The following SLC25A48 variants were observed in gnomAD, a reference collection of about 807,000 sequenced individuals.
The protein encoded by SLC25A48 is solute carrier family 25 member 48, also known as CTC-321K16.1.
A neutral mutation model predicts 32.2 loss-of-function variants in SLC25A48; 29 were observed. The ratio of observed to expected loss-of-function variants is 0.90; its 90% CI spans 0.67 to 1.23. The LOEUF (loss-of-function observed/expected upper bound fraction) is 1.23. SLC25A48 is among the 50% of genes most tolerant of loss of function. The probability of loss-of-function intolerance (pLI) is 0.00; values close to 1 mark genes in which losing one functional copy is unlikely to be tolerated. For synonymous variants in SLC25A48, 164 were observed against 172.3 expected (o/e 0.95, Z 0.38); for missense variants, 399 against 422.7 (o/e 0.94, Z 0.49).
chr5:135,708,003 TG>T (rs1233423445), intron 3 of SLC25A48, among the ~76,000 whole-genome samples: 1 of 151,930 alleles, frequency 6.6e-6, no homozygotes, highest in African/African-American at 2.4e-5. Context: ...TGGAGCTGAG[TG>T]TGACAGAAGA....
intron 4 of SLC25A48, among the ~76,000 whole-genome samples, chr5:135,828,526 T>C (rs533003143): frequency 8.4e-4 from 128 of 152,342 alleles, no homozygotes; most frequent in African/African-American, 2.9e-3. Context: ...AGGAGGATCA[T>C]AGCCCTTCTG....
chr5:135,591,676 C>T (rs1479834428), intron 1 of SLC25A48, among the ~76,000 whole-genome samples: 1 of 152,192 alleles, frequency 6.6e-6, no homozygotes. Flanking sequence ...TGGGGCAGAT[C>T]CCAGCCAATG....
chr5:135,858,619 G>T (rs1399701025), intron 4 of SLC25A48, among the ~76,000 whole-genome samples: 1 of 152,218 alleles, frequency 6.6e-6, no homozygotes, highest in Non-Finnish European at 1.5e-5. Flanking sequence ...CCCTCCCTTA[G>T]TGGGAGGTGG....
At chr5:135,662,020 A>G (rs1309771453) in intron 3 of SLC25A48, among the ~76,000 whole-genome samples, 1 of 152,160 alleles carries the variant, frequency 6.6e-6, no homozygotes, top group African/African-American at 2.4e-5. Context: ...GCCCTATGAA[A>G]AGATCATACC....
At chr5:135,801,349 A>G (rs561917038) in intron 3 of SLC25A48, among the ~76,000 whole-genome samples, 1 of 151,362 alleles carries the variant, frequency 6.6e-6, no homozygotes, top group African/African-American at 2.4e-5. Flanking sequence ...TAGAAAAAAA[A>G]GGGGATGATA....
At chr5:135,738,108 G>A (rs1755418284) in intron 3 of SLC25A48, among the ~76,000 whole-genome samples, 1 of 152,166 alleles carries the variant, frequency 6.6e-6, no homozygotes, top group Non-Finnish European at 1.5e-5. Flanking sequence ...CTGTCTCCAT[G>A]CCCTTCCTTC....
chr5:135,704,776 A>ATTCAAATCCTGTACT (rs1270414792), intron 3 of SLC25A48, among the ~76,000 whole-genome samples: 1 of 152,196 alleles, frequency 6.6e-6, no homozygotes, highest in Non-Finnish European at 1.5e-5. Flanking sequence ...CAGAGCCAGG[A>ATTCAAATCCTGTACT]TTCAAATCCT....
intron 3 of SLC25A48, among the ~76,000 whole-genome samples, chr5:135,746,987 A>ATTT (rs199973261): frequency 0.018 from 1,355 of 77,196 alleles, 17 homozygotes; most frequent in African/African-American, 0.032. Context: ...CAGGTTAAGT[A>ATTT]TTTTTTGTTG....
At chr5:135,606,208 A>G (rs1360150321) in intron 1 of SLC25A48, among the ~76,000 whole-genome samples, 1 of 152,196 alleles carries the variant, frequency 6.6e-6, no homozygotes, top group East Asian at 1.9e-4. Flanking sequence ...TTTCTTCCAC[A>G]TAAAATGTCT....
At chr5:135,793,777 C>A (rs541954042) in intron 3 of SLC25A48, among the ~76,000 whole-genome samples, 14 of 151,698 alleles carry the variant, frequency 9.2e-5, no homozygotes, top group African/African-American at 2.9e-4. Context: ...TTTGTAATAT[C>A]CTTGGGAGAT....
chr5:135,759,691 C>A (rs1029923483), intron 3 of SLC25A48, among the ~76,000 whole-genome samples: 4 of 152,128 alleles, frequency 2.6e-5, no homozygotes, highest in African/African-American at 7.2e-5. Flanking sequence ...AAGATGCAGT[C>A]CTTTGAATCT....
At chr5:135,604,338 T>C (rs1032163205) in intron 1 of SLC25A48, among the ~76,000 whole-genome samples, 1 of 152,236 alleles carries the variant, frequency 6.6e-6, no homozygotes. Flanking sequence ...GGCATCTCTC[T>C]GTCTCCTTAA....
At chr5:135,594,756 C>G (rs1323787210) in intron 1 of SLC25A48, among the ~76,000 whole-genome samples, 1 of 152,170 alleles carries the variant, frequency 6.6e-6, no homozygotes, top group East Asian at 1.9e-4. Context: ...CTGGCCACAC[C>G]TCAGCTGCTC....
intron 1 of SLC25A48, among the ~76,000 whole-genome samples, chr5:135,839,727 C>G (rs1407551616): frequency 6.6e-6 from 1 of 152,118 alleles, no homozygotes; most frequent in Non-Finnish European, 1.5e-5. Flanking sequence ...CATAATATGT[C>G]ATGGGAGAGA....
At chr5:135,792,726 C>T (rs59274088) in intron 3 of SLC25A48, among the ~76,000 whole-genome samples, 7,259 of 151,562 alleles carry the variant, frequency 0.048, 351 homozygotes, top group African/African-American at 0.13. Context: ...AATATCCTTG[C>T]GAGATATTAC....
intron 3 of SLC25A48, among the ~76,000 whole-genome samples, chr5:135,706,642 A>G (rs968840675): frequency 1.3e-5 from 2 of 152,106 alleles, no homozygotes; most frequent in South Asian, 2.1e-4. Context: ...GAGAAAGGGC[A>G]CCTAGAGCTG....
chr5:135,719,392 G>A (rs1418805411), intron 3 of SLC25A48, among the ~76,000 whole-genome samples: 1 of 152,142 alleles, frequency 6.6e-6, no homozygotes, highest in African/African-American at 2.4e-5. Context: ...AGTGGGCTGG[G>A]GATGCTGAGC....
intron 3 of SLC25A48, among the ~76,000 whole-genome samples, chr5:135,761,575 A>G (rs1031219067): frequency 6.6e-6 from 1 of 152,236 alleles, no homozygotes. Flanking sequence ...AATGTTGTAC[A>G]GTAGAGGAAA....
At chr5:135,623,932 A>G (rs1375790721) in intron 1 of SLC25A48, among the ~76,000 whole-genome samples, 1 of 152,154 alleles carries the variant, frequency 6.6e-6, no homozygotes, top group African/African-American at 2.4e-5. Context: ...AGGAATGGCA[A>G]GGCTCTCCAG....
Sources: gnomAD v4.1 joint callset for allele counts (sites outside exome capture counted in the v4.1 genomes callset) on GRCh38, gnomAD v4.1.1 for gene constraint, MANE v1.5 for transcripts, NCBI Gene and HGNC (gene_info 2026-07-23, HGNC 2026-07-21) for gene names.